AKAP13: variants seen among roughly 807,000 people sequenced by gnomAD.
AKAP13 encodes A-kinase anchor protein 13.
A neutral mutation model predicts 264.5 loss-of-function variants in AKAP13; 80 were observed. The observed-to-expected ratio is 0.30, with a 90% CI of 0.25 to 0.36. The LOEUF (loss-of-function observed/expected upper bound fraction) is 0.36. AKAP13 is among the 10% of genes least tolerant of loss of function. The probability of loss-of-function intolerance (pLI) is 1.00; values close to 1 mark genes in which losing one functional copy is unlikely to be tolerated. For missense variants in AKAP13, 3,712 were observed against 3,435.2 expected (o/e 1.08, Z -2.01); for synonymous variants, 1,380 against 1,250.2 (o/e 1.10, Z -2.19).
At position 85,715,859 on chromosome 15, in the gene AKAP13, G is replaced by C. The variant is rs1228568697; in HGVS notation, c.5671G>C (p.Ala1891Pro). The change falls in exon 20 of 37, where the codon GCC (alanine) becomes CCC (proline). Residue 1891 changes from alanine to proline, a missense_variant. By Grantham distance (27) the Ala-to-Pro change is conservative. Transcript: ENST00000394518. The stretch of plus-strand genomic sequence containing the variant: ...TGAAACCGCTACCACCCCAATATTT[G>C]CCAATAGACGATCCCAGCAGAGTGT... ...VDETATTPIF[A>P]NRRSQQSVSL... 1.2e-6 allele frequency: 2 copies of C among 1,613,366 alleles called. No homozygotes were observed. The highest frequency in any genetic ancestry group is 2.7e-5 in the African/African-American group (2 of 74,714).
At chr15:85,733,154 G>GA (rs2088177904) in intron 30 of AKAP13, among the ~76,000 whole-genome samples, 1 of 152,222 alleles carries the variant, frequency 6.6e-6, no homozygotes, top group African/African-American at 2.4e-5. Flanking sequence ...AAAGGTTCAT[G>GA]AGAGTAATAG....
chr15:85,703,859 T>C lies in AKAP13; in HGVS notation c.5465-4160T>C, dbSNP rs529699371. Among the ~76,000 whole-genome samples, 4 of 146,342 alleles carry C rather than the reference T, an allele frequency of 2.7e-5. No homozygotes were observed. The South Asian group carries it at 6.5e-4, about 24-fold the overall frequency. On this transcript the variant is annotated intron_variant, in intron 17 of 36. Coordinates refer to ENST00000394518, the MANE Select transcript of AKAP13 (RefSeq NM_007200.5). Reference sequence around the variant, plus strand: ...CTCCATCTCAAAAAAAAAAAATATATATATATATATATACACACACATATA... The same window carrying C: ...CTCCATCTCAAAAAAAAAAAATATACATATATATATATACACACACATATA...
At chr15:85,559,460 A>G (rs966431989) in intron 5 of AKAP13, among the ~76,000 whole-genome samples, 2 of 152,168 alleles carry the variant, frequency 1.3e-5, no homozygotes, top group Non-Finnish European at 2.9e-5. Context: ...CATTACATTT[A>G]TCATGCACTT....
intron 5 of AKAP13, among the ~76,000 whole-genome samples, chr15:85,562,454 A>G (rs1390524933): frequency 2.0e-5 from 3 of 150,622 alleles, no homozygotes; most frequent in South Asian, 2.1e-4. Context: ...AATCCCAGCT[A>G]CTTGGGAGGC....
chr15:85,553,865 T>A (rs1450679280), intron 5 of AKAP13, among the ~76,000 whole-genome samples: 1 of 152,136 alleles, frequency 6.6e-6, no homozygotes, highest in African/African-American at 2.4e-5. Flanking sequence ...ACTGCATATG[T>A]GAGGGATCTA....
intron 1 of AKAP13, among the ~76,000 whole-genome samples, chr15:85,419,973 G>T (rs1349236522): frequency 1.8e-5 from 2 of 111,464 alleles, no homozygotes; most frequent in South Asian, 5.6e-4. Flanking sequence ...ACGGAGTCTC[G>T]CTCTGTTGCC....
intron 13 of AKAP13, among the ~76,000 whole-genome samples, chr15:85,667,969 AGTT>A (rs2083693955): frequency 6.6e-6 from 1 of 152,074 alleles, no homozygotes; most frequent in African/African-American, 2.4e-5. Flanking sequence ...TTCTAGATAA[AGTT>A]GTTGTTTTAG....
chr15:85,597,673 T>G (rs538286717), intron 8 of AKAP13, among the ~76,000 whole-genome samples: 4 of 152,306 alleles, frequency 2.6e-5, no homozygotes, highest in Admixed American at 2.6e-4. Context: ...GGCTTGTGGC[T>G]GGGCCATGGG....
chr15:85,439,533 C>T (rs550999914), intron 1 of AKAP13, among the ~76,000 whole-genome samples: 37 of 149,788 alleles, frequency 2.5e-4, no homozygotes, highest in Admixed American at 6.7e-4. Context: ...ATGTTTATTG[C>T]GGCATTATTC....
At chr15:85,649,713 A>G (rs1223896691) in intron 10 of AKAP13, among the ~76,000 whole-genome samples, 1 of 152,154 alleles carries the variant, frequency 6.6e-6, no homozygotes, top group African/African-American at 2.4e-5. Flanking sequence ...CTTCACGTTT[A>G]TTCTCATGAA....
chr15:85,382,660 C>G (rs1464309915), intron 1 of AKAP13, among the ~76,000 whole-genome samples: 3 of 152,186 alleles, frequency 2.0e-5, no homozygotes, highest in South Asian at 2.1e-4. Flanking sequence ...ATTTCTCACA[C>G]TTCTTTTGCC....
intron 14 of AKAP13, chr15:85,677,184 G>C: frequency 1.0e-6 from 1 of 959,824 alleles, no homozygotes; most frequent in Non-Finnish European, 1.2e-6. Context: ...CTAAGAAATT[G>C]TATGGGGGCT....
intron 6 of AKAP13, among the ~76,000 whole-genome samples, chr15:85,576,531 C>T (rs567909014): frequency 7.1e-6 from 1 of 140,634 alleles, no homozygotes; most frequent in Admixed American, 6.8e-5. Context: ...TTGGGCATAA[C>T]ATCTGAAAGG....
At chr15:85,565,208 C>A (rs562393916) in intron 5 of AKAP13, among the ~76,000 whole-genome samples, 2 of 151,678 alleles carry the variant, frequency 1.3e-5, no homozygotes, top group South Asian at 4.2e-4. Flanking sequence ...AGTACCATTT[C>A]GTTTATTCAG....
At chr15:85,590,414 C>CT (rs2079537139) in intron 8 of AKAP13, among the ~76,000 whole-genome samples, 1 of 152,116 alleles carries the variant, frequency 6.6e-6, no homozygotes, top group Non-Finnish European at 1.5e-5. Flanking sequence ...CTTTAGTCTG[C>CT]TATCTGTCAT....
intron 23 of AKAP13, 88 bp from the exon 24 acceptor site, chr15:85,721,902 AC>A: frequency 6.4e-7 from 1 of 1,563,082 alleles, no homozygotes; most frequent in Non-Finnish European, 8.6e-7. Context: ...AGCGCTCTTG[AC>A]TTTTACAACT....
chr15:85,626,798 A>ATT (rs199614874), intron 8 of AKAP13, among the ~76,000 whole-genome samples: 4 of 146,484 alleles, frequency 2.7e-5, no homozygotes, highest in African/African-American at 5.0e-5. Flanking sequence ...TGTATGTTTA[A>ATT]TTTTTTTTTT....
At chr15:85,480,171 G>A (rs1021200873) in intron 1 of AKAP13, among the ~76,000 whole-genome samples, 5 of 152,130 alleles carry the variant, frequency 3.3e-5, no homozygotes, top group East Asian at 1.9e-4. Context: ...TTTGGTGTTC[G>A]TTCCTCCAGA....
At chr15:85,518,004 A>G (rs1295778505) in intron 2 of AKAP13, among the ~76,000 whole-genome samples, 1 of 152,180 alleles carries the variant, frequency 6.6e-6, no homozygotes, top group Non-Finnish European at 1.5e-5. Flanking sequence ...ATAATTGAGA[A>G]TGTCTTGAAT....
Sources: allele counts gnomAD v4.1 joint callset (sites outside exome capture counted in the v4.1 genomes callset), GRCh38; gene constraint gnomAD v4.1.1; transcripts MANE v1.5; gene names NCBI Gene and HGNC (gene_info 2026-07-23, HGNC 2026-07-21).